Variants in ADARB2 observed in about 807,000 individuals in gnomAD.
ADARB2 encodes adenosine deaminase RNA specific B2 (inactive), also known as inactive double-stranded RNA-specific editase B2.
Under a neutral mutation model 62.2 loss-of-function variants are expected in ADARB2, and 25 were observed. The observed-to-expected ratio is 0.40, with a 90% CI of 0.29 to 0.56. The LOEUF is 0.56. ADARB2 is among the 20% of genes least tolerant of loss of function. ADARB2 has a pLI of 0.43. For synonymous variants in ADARB2, 572 were observed against 500.8 expected, an observed-to-expected ratio of 1.14 and a Z score of -1.90; for missense variants, 1,071 against 1,077.4, an observed-to-expected ratio of 0.99 and a Z score of 0.08.
chr10:1,506,281 A>G (rs1375797046), intron 1 of ADARB2, among the ~76,000 whole-genome samples: 1 of 152,132 alleles, frequency 6.6e-6, no homozygotes, highest in African/African-American at 2.4e-5. Context: ...TCCTCCTGCA[A>G]CCCTTCTGAA....
intron 1 of ADARB2, among the ~76,000 whole-genome samples, chr10:1,409,454 G>A (rs7896241): frequency 0.24 from 36,195 of 151,878 alleles, 4,681 homozygotes; most frequent in Middle Eastern, 0.39. Flanking sequence ...AGGCCTGGTC[G>A]TGGTCATGGT....
In ADARB2 at chr10:1,641,313, G is replaced by C. The variant is rs192020943; in HGVS notation, c.100+95738C>G. On this transcript the variant is annotated intron_variant, in intron 1 of 9. Coordinates refer to ENST00000381312, the MANE Select transcript of ADARB2 (RefSeq NM_018702.4). Reference sequence around the variant, plus strand: ...TCAAAGCAACAGCACGAAGTGGTGTGTTTCCACTTTGACCTGCCACGTGCT... The same window carrying C: ...TCAAAGCAACAGCACGAAGTGGTGTCTTTCCACTTTGACCTGCCACGTGCT... Among the ~76,000 whole-genome samples, 1,016 of 152,362 alleles carry C rather than the reference G, an allele frequency of 6.7e-3. 8 individuals are homozygous for C. Among genetic ancestry groups the C allele is most frequent in the Non-Finnish European group, 0.011 (767 of 68,038 alleles).
chr10:1,655,597 A>G (rs555846574), intron 1 of ADARB2, among the ~76,000 whole-genome samples: 3 of 152,338 alleles, frequency 2.0e-5, no homozygotes, highest in South Asian at 2.1e-4. Flanking sequence ...CAAACATTCT[A>G]TGCTCTAGGT....
At chr10:1,225,581 T>C (rs1344171077) in intron 6 of ADARB2, among the ~76,000 whole-genome samples, 1 of 152,228 alleles carries the variant, frequency 6.6e-6, no homozygotes, top group African/African-American at 2.4e-5. Context: ...AGTGCTTCCT[T>C]CAGGAGTTCT....
intron 1 of ADARB2, among the ~76,000 whole-genome samples, chr10:1,696,373 T>G (rs1307817282): frequency 6.6e-6 from 1 of 152,054 alleles, no homozygotes; most frequent in Non-Finnish European, 1.5e-5. Context: ...GTGAGTGAGG[T>G]CGTGACAGAT....
intron 1 of ADARB2, among the ~76,000 whole-genome samples, chr10:1,439,730 G>C (rs1301928657): frequency 7.1e-6 from 1 of 141,794 alleles, no homozygotes; most frequent in African/African-American, 2.7e-5. Flanking sequence ...AGTCTCCTCA[G>C]CAGATGGAGG....
chr10:1,613,593 T>C (rs1224634223), intron 1 of ADARB2, among the ~76,000 whole-genome samples: 1 of 152,220 alleles, frequency 6.6e-6, no homozygotes, highest in East Asian at 1.9e-4. Flanking sequence ...AGTAAACTAT[T>C]AGCACGTCAG....
chr10:1,659,005 A>G (rs995968500), intron 1 of ADARB2, among the ~76,000 whole-genome samples: 2 of 152,244 alleles, frequency 1.3e-5, no homozygotes, highest in Non-Finnish European at 2.9e-5. Context: ...TGTGGTTAAC[A>G]TAAGCACTAC....
At chr10:1,513,455 C>G (rs1209078432) in intron 1 of ADARB2, among the ~76,000 whole-genome samples, 1 of 152,204 alleles carries the variant, frequency 6.6e-6, no homozygotes, top group East Asian at 1.9e-4. Flanking sequence ...GACGGCCGTC[C>G]TCCGTGGCTC....
chr10:1,639,790 G>A (rs552536935), intron 1 of ADARB2, among the ~76,000 whole-genome samples: 3 of 152,058 alleles, frequency 2.0e-5, no homozygotes, highest in Admixed American at 6.6e-5. Context: ...TGCAGCGAGC[G>A]GAGATCATGC....
At chr10:1,527,234 T>C (rs1832158818) in intron 1 of ADARB2, among the ~76,000 whole-genome samples, 1 of 152,186 alleles carries the variant, frequency 6.6e-6, no homozygotes, top group Admixed American at 6.5e-5. Flanking sequence ...GAGAACTGCT[T>C]CTTGTACTTA....
intron 3 of ADARB2, among the ~76,000 whole-genome samples, chr10:1,284,069 G>A (rs1032628155): frequency 1.3e-5 from 2 of 152,056 alleles, no homozygotes; most frequent in African/African-American, 4.8e-5. Flanking sequence ...GTAGGGTCTC[G>A]ATTCCAGGCC....
intron 3 of ADARB2, among the ~76,000 whole-genome samples, chr10:1,286,364 C>T (rs755554441): frequency 9.2e-5 from 14 of 152,166 alleles, no homozygotes; most frequent in Admixed American, 3.3e-4. Flanking sequence ...GAGGCAGTCT[C>T]TATGTCATGT....
chr10:1,306,636 A>G (rs1252607982), intron 3 of ADARB2, among the ~76,000 whole-genome samples: 1 of 136,582 alleles, frequency 7.3e-6, no homozygotes, highest in African/African-American at 2.5e-5. Flanking sequence ...AGCTGGAGGC[A>G]TCACACTACC....
chr10:1,595,270 C>T (rs547779125), intron 1 of ADARB2, among the ~76,000 whole-genome samples: 2 of 152,254 alleles, frequency 1.3e-5, no homozygotes, highest in South Asian at 4.2e-4. Context: ...TCAAGAAATG[C>T]GCTGAAGAAC....
intron 1 of ADARB2, among the ~76,000 whole-genome samples, chr10:1,540,198 T>C (rs1273219668): frequency 6.6e-6 from 1 of 152,032 alleles, no homozygotes; most frequent in Non-Finnish European, 1.5e-5. Flanking sequence ...CTGACACATG[T>C]GTTTTGGTCC....
intron 8 of ADARB2, among the ~76,000 whole-genome samples, chr10:1,189,988 G>A (rs2131736473): frequency 6.6e-6 from 1 of 152,182 alleles, no homozygotes; most frequent in South Asian, 2.1e-4. Flanking sequence ...TCTCCTGGAG[G>A]GGATTCAGGG....
intron 3 of ADARB2, among the ~76,000 whole-genome samples, chr10:1,320,334 A>G (rs1487113240): frequency 6.6e-6 from 1 of 152,220 alleles, no homozygotes; most frequent in African/African-American, 2.4e-5. Context: ...GGGTGAAGGC[A>G]GTGATTTGTC....
intron 3 of ADARB2, among the ~76,000 whole-genome samples, chr10:1,319,211 A>G (rs1831773110): frequency 1.3e-5 from 2 of 152,236 alleles, no homozygotes; most frequent in Non-Finnish European, 2.9e-5. Flanking sequence ...CCCCAAAACA[A>G]TGAGGAAGTA....
Sources: gnomAD v4.1 joint callset for allele counts (sites outside exome capture counted in the v4.1 genomes callset) on GRCh38, gnomAD v4.1.1 for gene constraint, MANE v1.5 for transcripts, NCBI Gene and HGNC (gene_info 2026-07-23, HGNC 2026-07-21) for gene names.